Variants in CCDC102B observed in about 807,000 individuals in gnomAD.
CCDC102B encodes the protein coiled-coil domain-containing protein 102B.
A neutral mutation model predicts 57.4 loss-of-function variants in CCDC102B; 75 were observed. The observed-to-expected ratio is 1.31, with a 90% confidence interval of 1.08 to 1.58. The LOEUF (loss-of-function observed/expected upper bound fraction) is 1.58, where lower values mean the gene tolerates loss of function less well. Among genes scored for constraint, CCDC102B ranks in the 40% most tolerant of loss-of-function variants. The pLI, the probability that CCDC102B is intolerant of heterozygous loss-of-function variation, is 0.00. For missense variants in CCDC102B, 636 were observed against 582.6 expected, an observed-to-expected ratio of 1.09 and a Z score of -0.94; for synonymous variants, 206 against 201.9, an observed-to-expected ratio of 1.02 and a Z score of -0.17.
chr18:68,865,283 T>C (rs1258262483), intron 4 of CCDC102B, among the ~76,000 whole-genome samples: 1 of 152,172 alleles, frequency 6.6e-6, no homozygotes, highest in Non-Finnish European at 1.5e-5. Flanking sequence ...AAATAGATGC[T>C]GATCTTCTGC....
chr18:68,810,696 T>TTG (rs2036225705), intron 1 of CCDC102B, among the ~76,000 whole-genome samples: 2 of 144,994 alleles, frequency 1.4e-5, no homozygotes, highest in African/African-American at 5.2e-5. Flanking sequence ...TTTTTTTTTT[T>TTG]TTTTTTTTTT....
chr18:68,803,112 C>T (rs1179317885), intron 1 of CCDC102B, among the ~76,000 whole-genome samples: 4 of 152,084 alleles, frequency 2.6e-5, no homozygotes, highest in South Asian at 2.1e-4. Flanking sequence ...AGCCTATAAG[C>T]GTTTAATATC....
intron 6 of CCDC102B, among the ~76,000 whole-genome samples, chr18:68,965,432 CTT>C (rs2050144171): frequency 6.6e-6 from 1 of 151,056 alleles, no homozygotes. Flanking sequence ...TATATTGAGA[CTT>C]TCTATTTTTT....
At chr18:68,750,486 A>G (rs1347138097) in intron 2 of CCDC102B, among the ~76,000 whole-genome samples, 1 of 152,184 alleles carries the variant, frequency 6.6e-6, no homozygotes, top group Non-Finnish European at 1.5e-5. Flanking sequence ...ATAAAGACAC[A>G]TGCACATGCA....
intron 1 of CCDC102B, among the ~76,000 whole-genome samples, chr18:68,834,022 T>C (rs554711527): frequency 6.9e-5 from 1 of 14,460 alleles, no homozygotes; most frequent in African/African-American, 7.4e-5. Flanking sequence ...AATGAAGACT[T>C]TAGTGCATAT....
At chr18:68,736,065 C>G (rs2033113792) in intron 2 of CCDC102B, among the ~76,000 whole-genome samples, 1 of 152,146 alleles carries the variant, frequency 6.6e-6, no homozygotes, top group African/African-American at 2.4e-5. Flanking sequence ...ATATCATATC[C>G]TTTATACAAA....
chr18:68,895,678 A>G (rs1176687882), intron 5 of CCDC102B, among the ~76,000 whole-genome samples: 2 of 151,786 alleles, frequency 1.3e-5, no homozygotes, highest in East Asian at 1.9e-4. Context: ...TTCTGTCCCT[A>G]CAATACCACA....
At chr18:69,025,269 G>T (rs2051954080) in intron 7 of CCDC102B, among the ~76,000 whole-genome samples, 1 of 152,046 alleles carries the variant, frequency 6.6e-6, no homozygotes, top group Non-Finnish European at 1.5e-5. Context: ...CAAGATCGTT[G>T]GCAGAAATCT....
chr18:68,951,150 G>A (rs377252683), intron 6 of CCDC102B, among the ~76,000 whole-genome samples: 1 of 152,082 alleles, frequency 6.6e-6, no homozygotes, highest in East Asian at 1.9e-4. Context: ...CCTGGAGTAG[G>A]GGAAGGGAAA....
chr18:68,870,717 T>C (rs967087741), intron 4 of CCDC102B, among the ~76,000 whole-genome samples: 2 of 152,174 alleles, frequency 1.3e-5, no homozygotes, highest in African/African-American at 4.8e-5. Flanking sequence ...ATGGTAGATT[T>C]GGTGTTCGGG....
intron 4 of CCDC102B, among the ~76,000 whole-genome samples, chr18:68,858,550 T>G (rs1432528661): frequency 6.6e-6 from 1 of 152,186 alleles, no homozygotes; most frequent in East Asian, 1.9e-4. Flanking sequence ...TCTCCTACCA[T>G]CTGTCCATTG....
intron 6 of CCDC102B, among the ~76,000 whole-genome samples, chr18:68,932,931 T>C (rs1238641161): frequency 6.6e-6 from 1 of 151,894 alleles, no homozygotes; most frequent in East Asian, 1.9e-4. Context: ...AGTAGACATC[T>C]TGAGAGCACT....
intron 1 of CCDC102B, among the ~76,000 whole-genome samples, chr18:68,809,959 T>G (rs2036181451): frequency 6.6e-6 from 1 of 152,196 alleles, no homozygotes; most frequent in Admixed American, 6.5e-5. Flanking sequence ...TGAAATGTTT[T>G]TAAAACTCAA....
At chr18:68,839,149 G>T in intron 3 of CCDC102B, 1 of 559,036 alleles carries the variant, frequency 1.8e-6, no homozygotes, top group Non-Finnish European at 3.2e-6. Flanking sequence ...CTTTTATCAT[G>T]ACTATGTTTT....
At chr18:68,999,734 G>A (rs1337134715) in intron 6 of CCDC102B, among the ~76,000 whole-genome samples, 2 of 152,068 alleles carry the variant, frequency 1.3e-5, no homozygotes, top group Admixed American at 1.3e-4. Flanking sequence ...CTTCAAATAT[G>A]CCCCTATTCT....
At chr18:69,018,818 A>G (rs906928006) in intron 7 of CCDC102B, among the ~76,000 whole-genome samples, 1 of 151,944 alleles carries the variant, frequency 6.6e-6, no homozygotes, top group Non-Finnish European at 1.5e-5. Context: ...TTTGGGTATC[A>G]TATTCAAAAA....
chr18:69,054,513 A>G lies in CCDC102B; in HGVS notation c.*376A>G. ...AATAAGAAAACCATTGACTTTAAGT[A>G]TAAAGTACTGGTTTGTTTAAATAAT... On this transcript the variant is annotated 3_prime_UTR_variant, in exon 8 of 8. Coordinates refer to ENST00000360242, the MANE Select transcript of CCDC102B (RefSeq NM_024781.3). 2 of 998,868 alleles carry G rather than the reference A, an allele frequency of 2.0e-6. No homozygotes were observed. Among genetic ancestry groups the G allele is most frequent in the South Asian group, 4.4e-5 (1 of 22,746 alleles). 61.9% of individuals were successfully genotyped at this position (998,868 alleles called of 1,614,324 possible). A position where few individuals can be genotyped will look rare whatever the true frequency, so the allele number is the denominator to read the frequency against.
Position 68,813,566 on chromosome 18 carries a change from G to A in CCDC102B, c.-16+15385G>A, listed in dbSNP as rs566525294. On this transcript the variant is annotated intron_variant, in intron 1 of 7. Transcript: ENST00000360242. ...AACATTTTTATAGGACTTTGGACCA[G>A]AAATGTAGGTTAGTTAGGGGAGAAG... Among the ~76,000 whole-genome samples the A allele has an allele frequency of 1.3e-4, 20 of 151,938 alleles. 1 individual carries two copies. The South Asian group carries it at 4.2e-3, about 32-fold the overall frequency.
chr18:68,824,272 G>C (rs533430003), intron 1 of CCDC102B, among the ~76,000 whole-genome samples: 4 of 152,232 alleles, frequency 2.6e-5, no homozygotes, highest in African/African-American at 9.6e-5. Flanking sequence ...TCTGCATATG[G>C]CTAGCCAGTT....
Sources: allele counts gnomAD v4.1 joint callset (sites outside exome capture counted in the v4.1 genomes callset), GRCh38; gene constraint gnomAD v4.1.1; transcripts MANE v1.5; gene names NCBI Gene and HGNC (gene_info 2026-07-23, HGNC 2026-07-21).